TTF1: variants seen among roughly 807,000 people sequenced by gnomAD.
TTF1 encodes the protein transcription termination factor, RNA polymerase I.
In TTF1, 64 loss-of-function variants were observed where a neutral mutation model predicts 80.2. The observed-to-expected ratio is 0.80, with a 90% CI of 0.65 to 0.98. The LOEUF (loss-of-function observed/expected upper bound fraction) is 0.98. Ranked by LOEUF, TTF1 falls within the 50% of genes least tolerant of loss-of-function variation. TTF1 has a pLI of 0.00. For synonymous variants in TTF1, 372 were observed against 382.7 expected (o/e 0.97, Z 0.33); for missense variants, 1,023 against 1,086.2 (o/e 0.94, Z 0.82).
At position 132,387,297 on chromosome 9, in the gene TTF1, C is replaced by G. The variant is rs183781474; in HGVS notation, c.2313-676G>C. 1.4e-3 allele frequency among the ~76,000 whole-genome samples: 219 copies of G among 152,250 alleles called. 1 individual carries two copies. The highest frequency in any genetic ancestry group is 0.011 in the South Asian group (51 of 4,822). ...AATTCATTTACAGTAACCCTCCCCC[C>G]CCAATCTACAGACAGGGAAATGGTG... On this transcript the variant is annotated intron_variant, in intron 8 of 10. Transcript: ENST00000334270.
intron 10 of TTF1, among the ~76,000 whole-genome samples, chr9:132,378,150 T>C (rs1849272655): frequency 8.9e-6 from 1 of 112,880 alleles, no homozygotes. Context: ...GTGCATGTGG[T>C]GTGTGTGAGT....
chr9:132,396,536 G>C (rs367817955), intron 4 of TTF1, 25 bp from the exon 5 acceptor site: 1 of 1,604,528 alleles, frequency 6.2e-7, no homozygotes, highest in African/African-American at 1.3e-5. Context: ...AAGGTGATCA[G>C]AGGGACTCAC....
chr9:132,403,235 T>C (rs1228534515), intron 1 of TTF1, among the ~76,000 whole-genome samples: 2 of 152,188 alleles, frequency 1.3e-5, no homozygotes, highest in Non-Finnish European at 2.9e-5. Context: ...GACAAGCCTG[T>C]AGTCATGATT....
chr9:132,398,047 A>C, intron 4 of TTF1, 94 bp downstream of exon 4: 2 of 1,034,984 alleles, frequency 1.9e-6, no homozygotes, highest in Non-Finnish European at 2.7e-6. Flanking sequence ...CCTGCAGGCA[A>C]TGGGCCAGGT....
intron 4 of TTF1, among the ~76,000 whole-genome samples, chr9:132,396,749 C>T (rs1159083698): frequency 6.6e-6 from 1 of 151,666 alleles, no homozygotes; most frequent in East Asian, 1.9e-4. Context: ...CTCACTGCAA[C>T]CTCCATCTCT....
At chr9:132,394,094 TG>T (rs1700745614) in intron 5 of TTF1, among the ~76,000 whole-genome samples, 1 of 151,224 alleles carries the variant, frequency 6.6e-6, no homozygotes, top group South Asian at 2.1e-4. Flanking sequence ...TTGTATTTTT[TG>T]TAGAGCCACG....
intron 5 of TTF1, among the ~76,000 whole-genome samples, chr9:132,395,708 C>G (rs1229780330): frequency 6.6e-6 from 1 of 152,150 alleles, no homozygotes; most frequent in East Asian, 1.9e-4. Flanking sequence ...AATCACAGAG[C>G]TAAGCAGAAC....
In TTF1 at chr9:132,400,128, C is replaced by T. The variant is rs1477507368; in HGVS notation, c.1498G>A (p.Glu500Lys). The T allele has an allele frequency of 1.2e-6, 2 of 1,614,138 alleles. No homozygotes were observed. Among genetic ancestry groups the T allele is most frequent in the Admixed American group, 3.3e-5 (2 of 60,006 alleles). ...DLGSAVKQLQ[E>K]FIPNIKDRAT... The stretch of plus-strand genomic sequence containing the variant: ...CTGTCCTTGATGTTAGGAATGAACT[C>T]CTGAAGCTGTTTCACGGCAGAACCC... The change falls in exon 3 of 11, where the codon GAG becomes AAG. Residue 500 changes from glutamate to lysine, a missense_variant. Glu to Lys is a moderately conservative substitution (Grantham distance 56). Coordinates refer to ENST00000334270, the MANE Select transcript of TTF1 (RefSeq NM_007344.4).
intron 9 of TTF1, among the ~76,000 whole-genome samples, chr9:132,381,654 C>T (rs1849374141): frequency 6.6e-6 from 1 of 152,264 alleles, no homozygotes; most frequent in Middle Eastern, 3.4e-3. Flanking sequence ...GGGCACCCTG[C>T]CCCTCAGATG....
intron 9 of TTF1, among the ~76,000 whole-genome samples, chr9:132,379,456 C>T (rs1339162639): frequency 2.0e-5 from 3 of 152,240 alleles, no homozygotes; most frequent in African/African-American, 7.2e-5. Context: ...TGCCGGCTAA[C>T]GGGCTGATGC....
At chr9:132,403,014 C>A (rs1849797667) in intron 1 of TTF1, among the ~76,000 whole-genome samples, 186 bp from the exon 2 acceptor site, 1 of 152,136 alleles carries the variant, frequency 6.6e-6, no homozygotes, top group Admixed American at 6.5e-5. Context: ...CACCAGCACG[C>A]CCAGCTAATT....
At position 132,406,377 on chromosome 9, in the gene TTF1, G is replaced by A. The variant is rs140473752; in HGVS notation, c.-8+413C>T. Among the ~76,000 whole-genome samples the A allele has an allele frequency of 5.9e-3, 892 of 152,254 alleles. 14 individuals carry two copies. Among genetic ancestry groups the A allele is most frequent in the African/African-American group, 0.021 (853 of 41,524 alleles). On this transcript the variant is annotated intron_variant, in intron 1 of 10. Coordinates refer to ENST00000334270, the MANE Select transcript of TTF1 (RefSeq NM_007344.4). ...AGCACTTTGAGAGGCCGAGGCGGGT[G>A]GATCACCTGAAGTCAGGAGTTCGAG...
At chr9:132,381,431 C>T (rs1469708676) in intron 9 of TTF1, among the ~76,000 whole-genome samples, 2 of 152,210 alleles carry the variant, frequency 1.3e-5, no homozygotes, top group Non-Finnish European at 2.9e-5. Flanking sequence ...CTCAAGCAAT[C>T]CACCCGCCTT....
In TTF1 at chr9:132,387,297, C is replaced by A. The variant is rs183781474; in HGVS notation, c.2313-676G>T. Among the ~76,000 whole-genome samples, 21 of 152,250 alleles carry A rather than the reference C, an allele frequency of 1.4e-4. No homozygotes were observed. The East Asian group carries it at 1.9e-3, about 14-fold the overall frequency. ...AATTCATTTACAGTAACCCTCCCCC[C>A]CCAATCTACAGACAGGGAAATGGTG... On this transcript the variant is annotated intron_variant, in intron 8 of 10. Transcript: ENST00000334270.
intron 10 of TTF1, among the ~76,000 whole-genome samples, chr9:132,377,374 G>T (rs1361665572): frequency 8.0e-6 from 1 of 124,794 alleles, no homozygotes; most frequent in African/African-American, 3.3e-5. Context: ...AGTGCATGTG[G>T]TGTGTGTGAG....
At chr9:132,380,668 G>A (rs982586756) in intron 9 of TTF1, among the ~76,000 whole-genome samples, 7 of 152,220 alleles carry the variant, frequency 4.6e-5, no homozygotes, top group Non-Finnish European at 8.8e-5. Flanking sequence ...ATTAGGTGGA[G>A]ATGCTATCCT....
At chr9:132,400,700 C>G (rs1037871062) in intron 2 of TTF1, among the ~76,000 whole-genome samples, 1 of 152,156 alleles carries the variant, frequency 6.6e-6, no homozygotes. Context: ...TTGACTCAGT[C>G]TGTGATTTTC....
intron 9 of TTF1, among the ~76,000 whole-genome samples, chr9:132,382,309 AT>A (rs1849383013): frequency 6.6e-6 from 1 of 152,234 alleles, no homozygotes; most frequent in East Asian, 1.9e-4. Flanking sequence ...CAGGATCTTT[AT>A]ATAGTCTTAA....
At position 132,388,138 on chromosome 9, in the gene TTF1, C is replaced by G; in HGVS notation, c.2312+1G>C. On this transcript the variant is annotated splice_donor_variant, in intron 8 of 10. Transcript: ENST00000334270. LOFTEE classifies it high-confidence loss of function. The stretch of plus-strand genomic sequence containing the variant: ...GAGGCATCCGTTTCTATTTTTCATA[C>G]CTTTCAATAAGGCTGACCTTGGCCC... 1 of 1,608,390 alleles carries G rather than the reference C, an allele frequency of 6.2e-7. No homozygotes were observed. The highest frequency in any genetic ancestry group is 8.5e-7 in the Non-Finnish European group (1 of 1,176,284).
Sources: allele counts gnomAD v4.1 joint callset (sites outside exome capture counted in the v4.1 genomes callset), GRCh38; gene constraint gnomAD v4.1.1; transcripts MANE v1.5; gene names NCBI Gene and HGNC (gene_info 2026-07-23, HGNC 2026-07-21).